CAMKMT: variants seen among roughly 807,000 people sequenced by gnomAD.
CAMKMT encodes the protein CaM KMT.
A neutral mutation model predicts 48.0 loss-of-function variants in CAMKMT; 53 were observed. The ratio of observed to expected loss-of-function variants is 1.10; its 90% confidence interval spans 0.89 to 1.39. The LOEUF is 1.39. Among genes scored for constraint, CAMKMT ranks in the 40% most tolerant of loss-of-function variants. The probability of loss-of-function intolerance (pLI) is 0.00; values close to 1 mark genes in which losing one functional copy is unlikely to be tolerated. For synonymous variants in CAMKMT, 165 were observed against 152.3 expected, an observed-to-expected ratio of 1.08 and a Z score of -0.61; for missense variants, 428 against 402.7, an observed-to-expected ratio of 1.06 and a Z score of -0.54.
intron 3 of CAMKMT, among the ~76,000 whole-genome samples, chr2:44,436,594 T>C (rs1666271919): frequency 1.3e-5 from 2 of 152,068 alleles, no homozygotes; most frequent in East Asian, 1.9e-4. Flanking sequence ...TTACAAACTT[T>C]AAAAAATATA....
At chr2:44,397,211 T>G (rs532418840) in intron 3 of CAMKMT, among the ~76,000 whole-genome samples, 9 of 152,196 alleles carry the variant, frequency 5.9e-5, no homozygotes, top group South Asian at 2.1e-4. Context: ...TAACCCTTTC[T>G]TAGGTTGGGA....
chr2:44,401,141 T>C (rs2104446687), intron 3 of CAMKMT: 1 of 152,246 alleles, frequency 6.6e-6, no homozygotes, highest in African/African-American at 2.4e-5. Flanking sequence ...ACATTCTTTC[T>C]ACACATGTTG....
chr2:44,377,142 G>C (rs978466555), intron 2 of CAMKMT, among the ~76,000 whole-genome samples: 2 of 152,034 alleles, frequency 1.3e-5, no homozygotes, highest in Non-Finnish European at 2.9e-5. Context: ...AAGTGGCTAG[G>C]ACTACAGTTA....
chr2:44,765,218 A>T (rs942677973), intron 9 of CAMKMT, among the ~76,000 whole-genome samples: 15 of 151,778 alleles, frequency 9.9e-5, no homozygotes, highest in African/African-American at 3.4e-4. Context: ...ACAGAGTGGG[A>T]CTCTGTCTCA....
chr2:44,471,775 G>A (rs1038685700), intron 3 of CAMKMT, among the ~76,000 whole-genome samples: 13 of 152,020 alleles, frequency 8.6e-5, no homozygotes, highest in South Asian at 4.2e-4. Context: ...TCCACCTCCC[G>A]GTTCAAGTAA....
At chr2:44,557,273 T>C (rs1668065060) in intron 3 of CAMKMT, among the ~76,000 whole-genome samples, 1 of 152,174 alleles carries the variant, frequency 6.6e-6, no homozygotes, top group African/African-American at 2.4e-5. Context: ...TTGGTACATT[T>C]TCTAGTTTTG....
At chr2:44,611,152 C>T (rs1389248736) in intron 3 of CAMKMT, among the ~76,000 whole-genome samples, 1 of 152,138 alleles carries the variant, frequency 6.6e-6, no homozygotes, top group Non-Finnish European at 1.5e-5. Flanking sequence ...CTACTCAGGG[C>T]TGGGCATGGT....
At chr2:44,645,160 G>A (rs1049628374) in intron 3 of CAMKMT, among the ~76,000 whole-genome samples, 2 of 152,204 alleles carry the variant, frequency 1.3e-5, no homozygotes, top group African/African-American at 4.8e-5. Flanking sequence ...AAGGTAGATG[G>A]AAGGTTGTGA....
At chr2:44,374,631 G>A (rs1461297759) in intron 2 of CAMKMT, among the ~76,000 whole-genome samples, 1 of 152,234 alleles carries the variant, frequency 6.6e-6, no homozygotes, top group African/African-American at 2.4e-5. Context: ...TTATCCACTT[G>A]TAGAGATGAT....
chr2:44,673,245 A>G (rs2104136850), intron 3 of CAMKMT, among the ~76,000 whole-genome samples: 1 of 151,870 alleles, frequency 6.6e-6, no homozygotes, highest in African/African-American at 2.4e-5. Context: ...GGTCAATACA[A>G]GGAGACCCCA....
At chr2:44,383,243 C>T (rs1349664743) in intron 2 of CAMKMT, among the ~76,000 whole-genome samples, 1 of 152,064 alleles carries the variant, frequency 6.6e-6, no homozygotes, top group Non-Finnish European at 1.5e-5. Context: ...CAGCTCACTG[C>T]ATCCTTCACC....
intron 3 of CAMKMT, among the ~76,000 whole-genome samples, chr2:44,651,511 C>A (rs1674064192): frequency 6.6e-6 from 1 of 152,098 alleles, no homozygotes; most frequent in Admixed American, 6.5e-5. Context: ...TGGTGAAACC[C>A]TGTCTCTACT....
At chr2:44,587,649 T>G (rs1217926229) in intron 3 of CAMKMT, among the ~76,000 whole-genome samples, 1,156 of 24,294 alleles carry the variant, frequency 0.048, 72 homozygotes, top group African/African-American at 0.12. Context: ...CTGGTTTTCC[T>G]TTTTTTTTTT....
At chr2:44,764,836 G>C (rs1680771602) in intron 9 of CAMKMT, among the ~76,000 whole-genome samples, 1 of 152,152 alleles carries the variant, frequency 6.6e-6, no homozygotes, top group Admixed American at 6.5e-5. Context: ...TACTAATAAG[G>C]AGACATGTAG....
intron 3 of CAMKMT, among the ~76,000 whole-genome samples, chr2:44,488,726 C>G (rs887102919): frequency 6.6e-6 from 1 of 151,790 alleles, no homozygotes; most frequent in Non-Finnish European, 1.5e-5. Context: ...AAAACTCACC[C>G]CAAAAAACCC....
intron 3 of CAMKMT, among the ~76,000 whole-genome samples, chr2:44,451,970 G>A (rs1667312407): frequency 6.6e-6 from 1 of 151,680 alleles, no homozygotes; most frequent in African/African-American, 2.4e-5. Context: ...GCATAACAAT[G>A]CAAATACCAT....
At chr2:44,436,402 C>G (rs189027396) in intron 3 of CAMKMT, among the ~76,000 whole-genome samples, 3 of 152,098 alleles carry the variant, frequency 2.0e-5, no homozygotes, top group African/African-American at 7.2e-5. Flanking sequence ...TTCAGAGCCT[C>G]TGCCTCCTCA....
intron 3 of CAMKMT, among the ~76,000 whole-genome samples, chr2:44,621,523 G>T (rs1271331000): frequency 6.6e-6 from 1 of 152,186 alleles, no homozygotes; most frequent in Non-Finnish European, 1.5e-5. Context: ...CAAGGGGAAA[G>T]CTGGGAGAAC....
chr2:44,391,232 A>T (rs888698874), intron 3 of CAMKMT, among the ~76,000 whole-genome samples: 3 of 152,214 alleles, frequency 2.0e-5, no homozygotes, highest in Non-Finnish European at 4.4e-5. Flanking sequence ...TGTCCACATT[A>T]TGATAAGCTT....
Sources: gnomAD v4.1 joint callset for allele counts (sites outside exome capture counted in the v4.1 genomes callset) on GRCh38, gnomAD v4.1.1 for gene constraint, MANE v1.5 for transcripts, NCBI Gene and HGNC (gene_info 2026-07-23, HGNC 2026-07-21) for gene names.